Variants in RELB observed in about 807,000 individuals in gnomAD.
RELB encodes the protein RELB proto-oncogene, NF-kB subunit, also known as transcription factor RelB.
Under a neutral mutation model 55.4 loss-of-function variants are expected in RELB, and 14 were observed. That is an observed-to-expected ratio of 0.25 (90% CI 0.17 to 0.40). RELB has a LOEUF of 0.40. Ranked by LOEUF, RELB falls within the 10% of genes least tolerant of loss-of-function variation. The pLI, the probability that RELB is intolerant of heterozygous loss-of-function variation, is 1.00. For missense variants in RELB, 669 were observed against 830.7 expected, an observed-to-expected ratio of 0.81 and a Z score of 2.39; for synonymous variants, 409 against 371.3, an observed-to-expected ratio of 1.10 and a Z score of -1.17.
At chr19:45,036,020 G>A (rs1189613078) in intron 11 of RELB, among the ~76,000 whole-genome samples, 9 of 152,198 alleles carry the variant, frequency 5.9e-5, no homozygotes, top group African/African-American at 2.2e-4. Flanking sequence ...CAGGCTGCAA[G>A]GAAGGCTAGA....
chr19:45,020,031 T>G (rs939338752), intron 4 of RELB, among the ~76,000 whole-genome samples: 1 of 152,094 alleles, frequency 6.6e-6, no homozygotes, highest in South Asian at 2.1e-4. Context: ...GCGTCGGGAT[T>G]ACAGGCGTGA....
At chr19:45,020,849 A>G (rs929797968) in intron 4 of RELB, among the ~76,000 whole-genome samples, 8 of 151,620 alleles carry the variant, frequency 5.3e-5, no homozygotes, top group Non-Finnish European at 1.0e-4. Context: ...GAGCCACCGC[A>G]CCCGGCCATG....
rs140497763 is a variant in RELB, at chr19:45,014,852, T to C, written c.504+2576T>C. 6.6e-3 allele frequency among the ~76,000 whole-genome samples: 1,003 copies of C among 150,848 alleles called. 11 individuals are homozygous for C. Among genetic ancestry groups the C allele is most frequent in the African/African-American group, 0.022 (906 of 41,096 alleles). ...TGGTTTTGATTTCCAAGATTTAGAATGGTAAATGCCTAACCATAGGGAATG... is the reference window on the plus strand; with the variant it reads ...TGGTTTTGATTTCCAAGATTTAGAACGGTAAATGCCTAACCATAGGGAATG... On this transcript the variant is annotated intron_variant, in intron 4 of 11. Coordinates refer to ENST00000221452, the MANE Select transcript of RELB (RefSeq NM_006509.4).
intron 4 of RELB, among the ~76,000 whole-genome samples, chr19:45,014,728 A>G (rs1265462714): frequency 6.6e-6 from 1 of 151,926 alleles, no homozygotes; most frequent in Admixed American, 6.6e-5. Flanking sequence ...CATGTTGGCC[A>G]GGCTGGTCTT....
At chr19:45,016,968 G>A (rs1230775869) in intron 4 of RELB, among the ~76,000 whole-genome samples, 1 of 152,168 alleles carries the variant, frequency 6.6e-6, no homozygotes, top group Non-Finnish European at 1.5e-5. Flanking sequence ...ATGTTCAGAA[G>A]GCTTGCTGGC....
chr19:45,014,167 G>C (rs926523812), intron 4 of RELB, among the ~76,000 whole-genome samples: 2 of 137,974 alleles, frequency 1.4e-5, no homozygotes, highest in Admixed American at 7.5e-5. Context: ...AATTTCTAAG[G>C]CTTTTTTTTT....
At chr19:45,021,987 C>G (rs1470508171) in intron 4 of RELB, 66 bp from the exon 5 acceptor site, 2 of 1,497,426 alleles carry the variant, frequency 1.3e-6, no homozygotes, top group Non-Finnish European at 1.8e-6. Flanking sequence ...AAGGAAGGCC[C>G]CAAGGAGTTT....
rs759141508 is a variant in RELB, at chr19:45,037,444, ACTT to A, written c.1400_1402del (p.Phe467del). Reference sequence around the variant, plus strand: ...CCGTCAGCCCTGCTGCCAGACCCTGACTTCTTCTCTGGCACCGTGTCCCTGCCC... The same window carrying A: ...CCGTCAGCCCTGCTGCCAGACCCTGACTTCTCTGGCACCGTGTCCCTGCCC... On this transcript the variant is annotated inframe_deletion, in exon 12 of 12. Coordinates refer to ENST00000221452, the MANE Select transcript of RELB (RefSeq NM_006509.4). 80 of 1,602,376 alleles carry A rather than the reference ACTT, an allele frequency of 5.0e-5. No homozygotes were observed. The highest frequency in any genetic ancestry group is 6.1e-5 in the Non-Finnish European group (72 of 1,177,174).
In RELB at chr19:45,037,672, C is replaced by T; in HGVS notation, c.1622C>T (p.Ala541Val). ...CCACTGACACTGGACTCGTACCAGG[C>T]CCCGGGCCCCGGGGATGGAGGCACC... ...PEPLTLDSYQ[A>V]PGPGDGGTAS... is the part of the protein sequence containing the mutation. The change falls in exon 12 of 12, where the codon GCC becomes GTC. Residue 541 changes from alanine to valine, a missense_variant. Physicochemically the swap from Ala to Val is moderately conservative, Grantham distance 64 (BLOSUM62 0). Around this residue, in one of 3 missense-constraint regions of RELB, gnomAD observed 341 missense variants for 436.8 expected, o/e 0.78. Transcript: ENST00000221452. 1 of 1,568,834 alleles carries T rather than the reference C, an allele frequency of 6.4e-7. No homozygotes were observed. Among genetic ancestry groups the T allele is most frequent in the Non-Finnish European group, 8.6e-7 (1 of 1,161,310 alleles).
At chr19:45,020,087 A>G (rs1971465145) in intron 4 of RELB, among the ~76,000 whole-genome samples, 1 of 151,508 alleles carries the variant, frequency 6.6e-6, no homozygotes, top group African/African-American at 2.4e-5. Context: ...AAATTAAGAT[A>G]TAATTGATCA....
At chr19:45,026,495 G>A (rs745845698) in intron 7 of RELB, among the ~76,000 whole-genome samples, 2 of 152,020 alleles carry the variant, frequency 1.3e-5, no homozygotes, top group Non-Finnish European at 2.9e-5. Context: ...AGTGAGCTGA[G>A]ATTGCACCAC....
At chr19:45,027,900 A>C (rs906189847) in intron 7 of RELB, among the ~76,000 whole-genome samples, 3 of 151,894 alleles carry the variant, frequency 2.0e-5, no homozygotes, top group Non-Finnish European at 4.4e-5. Context: ...TTTTTTTTAG[A>C]GATAGGGTCT....
rs779763107 is a variant in RELB at position 45,022,202 on chromosome 19, C to G, written c.654C>G (p.Pro218=). ...TGCGGCTCCGGCCTCACGTCAGCCC[C>G]CGGCACAGGTACCCACCCCCTGACC... ...CRVRLRPHVS[P]RHSFNNLGIQ... Residue 218 remains proline, a synonymous_variant, in exon 5 of 12, where the codon CCC becomes CCG. Transcript: ENST00000221452. The G allele has an allele frequency of 4.4e-6, 7 of 1,600,136 alleles. No individual in the cohort carries two copies. The highest frequency in any genetic ancestry group is 5.1e-6 in the Non-Finnish European group (6 of 1,175,654).
chr19:45,021,394 A>G lies in RELB; in HGVS notation c.505-659A>G, dbSNP rs1408549331. Among the ~76,000 whole-genome samples, 3 of 149,416 alleles carry G rather than the reference A, an allele frequency of 2.0e-5. No homozygotes were observed. In the East Asian group the frequency reaches 6.1e-4, roughly 30 times the overall value. Reference sequence around the variant, plus strand: ...GAGGCTGAGGCAGGAGAATGGCGTGAACCCGCAGGCAGAGCTTGCAGTGAG... The same window carrying G: ...GAGGCTGAGGCAGGAGAATGGCGTGGACCCGCAGGCAGAGCTTGCAGTGAG... On this transcript the variant is annotated intron_variant, in intron 4 of 11. Coordinates refer to ENST00000221452, the MANE Select transcript of RELB (RefSeq NM_006509.4).
intron 8 of RELB, among the ~76,000 whole-genome samples, chr19:45,031,127 G>A (rs1311057193): frequency 1.3e-5 from 2 of 152,118 alleles, no homozygotes; most frequent in Admixed American, 1.3e-4. Flanking sequence ...ATAAATAGCA[G>A]GCAGAGTAGC....
At chr19:45,018,229 C>T (rs147395013) in intron 4 of RELB, among the ~76,000 whole-genome samples, 2,895 of 152,084 alleles carry the variant, frequency 0.019, 51 homozygotes, top group African/African-American at 0.038. Flanking sequence ...ATGGTGAAAC[C>T]CCGTCTCTAC....
At chr19:45,023,110 G>A (rs1031740567) in intron 5 of RELB, among the ~76,000 whole-genome samples, 8 of 152,146 alleles carry the variant, frequency 5.3e-5, no homozygotes, top group Non-Finnish European at 1.5e-5. Flanking sequence ...TAAACTTAGT[G>A]AAAATATAAG....
chr19:45,015,430 C>T (rs530029237), intron 4 of RELB, among the ~76,000 whole-genome samples: 2 of 152,130 alleles, frequency 1.3e-5, no homozygotes, highest in Admixed American at 6.6e-5. Flanking sequence ...GGTGCCAGGT[C>T]GGACTTATTC....
At chr19:45,017,134 G>C (rs972380802) in intron 4 of RELB, among the ~76,000 whole-genome samples, 1 of 152,066 alleles carries the variant, frequency 6.6e-6, no homozygotes, top group Non-Finnish European at 1.5e-5. Context: ...GAGACCAATG[G>C]TTAATGGTAT....
Sources: allele counts gnomAD v4.1 joint callset (sites outside exome capture counted in the v4.1 genomes callset), GRCh38; gene constraint gnomAD v4.1.1; regional missense constraint gnomAD v4.1.1; transcripts MANE v1.5; gene names NCBI Gene and HGNC (gene_info 2026-07-23, HGNC 2026-07-21).